HDAC9: variants seen among roughly 807,000 people sequenced by gnomAD.
The protein encoded by HDAC9 is MEF-2 interacting transcription repressor (MITR) protein.
In HDAC9, 41 loss-of-function variants were observed where a neutral mutation model predicts 139.4. That is an observed-to-expected ratio of 0.29 (90% CI 0.23 to 0.38). HDAC9 has a LOEUF of 0.38. HDAC9 is among the 10% of genes least tolerant of loss of function. The pLI is 1.00. For missense variants in HDAC9, 1,147 were observed against 1,297.0 expected, an observed-to-expected ratio of 0.88 and a Z score of 1.78; for synonymous variants, 517 against 476.2, an observed-to-expected ratio of 1.09 and a Z score of -1.12.
chr7:18,790,344 C>T (rs1792190847), intron 16 of HDAC9, among the ~76,000 whole-genome samples: 1 of 152,126 alleles, frequency 6.6e-6, no homozygotes, highest in Admixed American at 6.5e-5. Context: ...TCATAAGGTA[C>T]TGTGTGCTAA....
chr7:18,566,410 T>C (rs1167305694), intron 2 of HDAC9, among the ~76,000 whole-genome samples: 1 of 152,248 alleles, frequency 6.6e-6, no homozygotes, highest in African/African-American at 2.4e-5. Context: ...GAATCTATTA[T>C]GTATGGTGGT....
At chr7:18,900,376 C>T (rs1024571180) in intron 22 of HDAC9, among the ~76,000 whole-genome samples, 1 of 152,104 alleles carries the variant, frequency 6.6e-6, no homozygotes, top group Non-Finnish European at 1.5e-5. Context: ...ATGATTTAGC[C>T]CACTGAAGAA....
chr7:18,765,783 A>G (rs1041469620), intron 15 of HDAC9, among the ~76,000 whole-genome samples: 4 of 152,050 alleles, frequency 2.6e-5, no homozygotes, highest in African/African-American at 9.7e-5. Context: ...ACATAAGAAA[A>G]CTTTACTCCT....
chr7:18,437,253 T>C (rs976155656), intron 1 of HDAC9, among the ~76,000 whole-genome samples: 1 of 152,086 alleles, frequency 6.6e-6, no homozygotes, highest in East Asian at 1.9e-4. Flanking sequence ...TATGATATAT[T>C]CAAGAACACT....
At chr7:18,345,161 A>T (rs898055222) in intron 1 of HDAC9, among the ~76,000 whole-genome samples, 2 of 152,036 alleles carry the variant, frequency 1.3e-5, no homozygotes, top group Non-Finnish European at 2.9e-5. Flanking sequence ...ATTTAATCAG[A>T]TGCATTGGTA....
chr7:18,345,256 T>A (rs1483514036), intron 1 of HDAC9, among the ~76,000 whole-genome samples: 1 of 152,030 alleles, frequency 6.6e-6, no homozygotes, highest in South Asian at 2.1e-4. Flanking sequence ...GTGTACAAAA[T>A]GACTTAAAAT....
chr7:18,775,900 T>C (rs538763901), intron 16 of HDAC9, among the ~76,000 whole-genome samples: 2 of 152,158 alleles, frequency 1.3e-5, no homozygotes, highest in African/African-American at 4.8e-5. Flanking sequence ...GATGGCCTTC[T>C]TGTCTCAGCT....
chr7:18,381,688 A>T (rs1395865384), intron 1 of HDAC9, among the ~76,000 whole-genome samples: 3 of 152,166 alleles, frequency 2.0e-5, no homozygotes, highest in East Asian at 1.9e-4. Flanking sequence ...ATATGAAGAA[A>T]ATAAAAATAA....
intron 2 of HDAC9, among the ~76,000 whole-genome samples, chr7:18,557,018 T>G (rs1185968298): frequency 6.6e-6 from 1 of 152,040 alleles, no homozygotes; most frequent in African/African-American, 2.4e-5. Flanking sequence ...TATCTTTTAA[T>G]GAGAAAAATA....
chr7:18,618,726 GTATATA>G (rs71014394), intron 6 of HDAC9, among the ~76,000 whole-genome samples: 36,763 of 119,706 alleles, frequency 0.31, 5,715 homozygotes, highest in South Asian at 0.38. Context: ...ACAGAATTTT[GTATATA>G]TATATATATA....
At chr7:18,533,506 C>G (rs926349516) in intron 2 of HDAC9, among the ~76,000 whole-genome samples, 1 of 151,944 alleles carries the variant, frequency 6.6e-6, no homozygotes, top group Non-Finnish European at 1.5e-5. Context: ...GGGCATAGAA[C>G]CCTTGTGGAA....
intron 11 of HDAC9, among the ~76,000 whole-genome samples, chr7:18,649,915 C>G (rs1788713877): frequency 6.6e-6 from 1 of 152,126 alleles, no homozygotes; most frequent in Non-Finnish European, 1.5e-5. Flanking sequence ...GGACAACTCT[C>G]TCTCTAACCT....
chr7:18,095,428 G>C (rs746577244), intron 1 of HDAC9, among the ~76,000 whole-genome samples: 2 of 152,104 alleles, frequency 1.3e-5, no homozygotes, highest in Non-Finnish European at 2.9e-5. Flanking sequence ...AAATATAGTA[G>C]TATATTTAAT....
intron 1 of HDAC9, among the ~76,000 whole-genome samples, chr7:18,343,160 G>A (rs1782143797): frequency 1.3e-5 from 2 of 151,672 alleles, no homozygotes; most frequent in Admixed American, 1.3e-4. Context: ...AAGTTGGGCT[G>A]TTAAACCAGC....
chr7:18,366,923 A>G (rs1784227535), intron 1 of HDAC9, among the ~76,000 whole-genome samples: 1 of 152,072 alleles, frequency 6.6e-6, no homozygotes, highest in African/African-American at 2.4e-5. Context: ...AATGCTTTGG[A>G]TGAAGTATGC....
chr7:18,509,568 T>G, intron 2 of HDAC9: 1 of 530,728 alleles, frequency 1.9e-6, no homozygotes, highest in Non-Finnish European at 2.4e-6. Flanking sequence ...TGTTGTTGAT[T>G]TCTTAGTCTA....
At chr7:18,731,708 C>T (rs1786062425) in intron 13 of HDAC9, among the ~76,000 whole-genome samples, 2 of 152,196 alleles carry the variant, frequency 1.3e-5, no homozygotes, top group African/African-American at 4.8e-5. Context: ...TCACCACAAC[C>T]TCCGCCTCCC....
intron 23 of HDAC9, among the ~76,000 whole-genome samples, chr7:18,946,768 G>A (rs1354565557): frequency 6.6e-6 from 1 of 152,014 alleles, no homozygotes; most frequent in Non-Finnish European, 1.5e-5. Context: ...GAAAATAAAA[G>A]TGAAGGGTGA....
intron 2 of HDAC9, among the ~76,000 whole-genome samples, chr7:18,549,525 C>G (rs1411348518): frequency 6.6e-6 from 1 of 151,944 alleles, no homozygotes; most frequent in East Asian, 1.9e-4. Context: ...ACCTCTAGGG[C>G]ATTATATTGA....
Sources: allele counts gnomAD v4.1 joint callset (sites outside exome capture counted in the v4.1 genomes callset), GRCh38; gene constraint gnomAD v4.1.1; transcripts MANE v1.5; gene names NCBI Gene and HGNC (gene_info 2026-07-23, HGNC 2026-07-21).